The following SMAD6 variants were observed in gnomAD, a reference collection of about 807,000 sequenced individuals.
SMAD6 encodes the protein MAD homolog 6.
In SMAD6, 103 loss-of-function variants were observed where a neutral mutation model predicts 39.4. The observed-to-expected ratio is 2.62, with a 90% confidence interval of 2.23 to 3.08. The LOEUF (loss-of-function observed/expected upper bound fraction) is 3.08. Ranked by LOEUF, SMAD6 falls within the 30% of genes most tolerant of loss-of-function variation. The pLI is 0.00. For synonymous variants in SMAD6, 445 were observed against 353.3 expected, an observed-to-expected ratio of 1.26 and a Z score of -2.91; for missense variants, 1,104 against 742.9, an observed-to-expected ratio of 1.49 and a Z score of -5.65.
rs1467242708 is a variant in SMAD6, at chr15:66,703,819, G to T, written c.561G>T (p.Ser187=). Residue 187 remains serine (S), a synonymous_variant, in exon 1 of 4, where the codon TCG becomes TCT. Coordinates refer to ENST00000288840, the MANE Select transcript of SMAD6 (RefSeq NM_005585.5). ...TGCTGAAGCGGCTCAAGGAGCGCTCGCTGGACACGCTGCTGGAGGCGGTGG... is the reference window on the plus strand; with the variant it reads ...TGCTGAAGCGGCTCAAGGAGCGCTCTCTGGACACGCTGCTGGAGGCGGTGG... The part of the protein sequence containing the change: ...YSLLKRLKER[S]LDTLLEAVES... 2 of 1,420,968 alleles carry T rather than the reference G, an allele frequency of 1.4e-6. No homozygotes were observed. Among genetic ancestry groups the T allele is most frequent in the Admixed American group, 4.5e-5 (2 of 44,346 alleles). The allele number at this position is 1,420,968 out of a possible 1,614,324, so 88.0% of individuals were successfully genotyped here.
At chr15:66,719,948 T>C (rs770123316) in intron 3 of SMAD6, among the ~76,000 whole-genome samples, 1 of 152,196 alleles carries the variant, frequency 6.6e-6, no homozygotes, top group East Asian at 1.9e-4. Flanking sequence ...TGCAGAGCTT[T>C]AAGCAGATCT....
rs1893013234 is a variant in SMAD6, at chr15:66,703,207, C to T, written c.-52C>T. 3.1e-6 allele frequency: 4 copies of T among 1,291,476 alleles called. No individual in the cohort carries two copies. Among genetic ancestry groups the T allele is most frequent in the Non-Finnish European group, 3.0e-6 (3 of 998,038 alleles). The allele number at this position is 1,291,476 out of a possible 1,614,324, so 80.0% of individuals were successfully genotyped here. On this transcript the variant is annotated 5_prime_UTR_variant, in exon 1 of 4. Coordinates refer to ENST00000288840, the MANE Select transcript of SMAD6 (RefSeq NM_005585.5). ...CGGCGCCTCGCTGAGGGAACGGACC[C>T]CCGGTAACCGGAGACCGCCTCCCCC... is the stretch of plus-strand genomic sequence containing the variant.
intron 1 of SMAD6, chr15:66,707,564 GCTC>G (rs1893141492): frequency 6.6e-6 from 1 of 152,302 alleles, no homozygotes; most frequent in South Asian, 2.1e-4. Context: ...GCTCCTCCTA[GCTC>G]CTCCTGGAGG....
rs1007866992 is a variant in SMAD6 at position 66,715,380 on chromosome 15, A to G, written c.875-1041A>G. ...AGGATAAAAAGTTCCTGCAGGATCA[A>G]ATGGAATTCTAGCTAGTGAGGGCCT... On this transcript the variant is annotated intron_variant, in intron 2 of 3. Coordinates refer to ENST00000288840, the MANE Select transcript of SMAD6 (RefSeq NM_005585.5). 2.0e-5 allele frequency among the ~76,000 whole-genome samples: 3 copies of G among 152,130 alleles called. No homozygotes were observed. The East Asian group carries it at 5.8e-4, about 29-fold the overall frequency.
chr15:66,779,143 G>A (rs1408303103), intron 3 of SMAD6, among the ~76,000 whole-genome samples: 1 of 152,148 alleles, frequency 6.6e-6, no homozygotes, highest in Non-Finnish European at 1.5e-5. Context: ...GGTGGCTGGA[G>A]CTCAGAGTCT....
At chr15:66,745,814 T>A (rs2140641488) in intron 3 of SMAD6, among the ~76,000 whole-genome samples, 1 of 152,278 alleles carries the variant, frequency 6.6e-6, no homozygotes. Flanking sequence ...TGGTAGATGC[T>A]CTTTGAGTTC....
intron 3 of SMAD6, among the ~76,000 whole-genome samples, chr15:66,731,293 C>T (rs62005644): frequency 0.15 from 23,390 of 151,398 alleles, 1,871 homozygotes; most frequent in South Asian, 0.19. Context: ...AAAAAATTAG[C>T]CGGGCGTAGT....
rs113329068 is a variant in SMAD6, at chr15:66,735,512, T to G, written c.952+19014T>G. Among the ~76,000 whole-genome samples, 1,056 of 152,280 alleles carry G rather than the reference T, an allele frequency of 6.9e-3. 16 individuals carry two copies. The highest frequency in any genetic ancestry group is 0.024 in the African/African-American group (1,010 of 41,554). ...GGCAAAAATCTTGATAACTGTTGAA[T>G]CTGGGTGAGAGGTAGTTTAGGTTGG... On this transcript the variant is annotated intron_variant, in intron 3 of 3. Coordinates refer to ENST00000288840, the MANE Select transcript of SMAD6 (RefSeq NM_005585.5).
chr15:66,747,107 C>T lies in SMAD6; in HGVS notation c.952+30609C>T, dbSNP rs1893921414. ...TTGATTTTCATTTTACAAAAATAAT[C>T]CAACTAATCTAATTGATCCAGTTGA... On this transcript the variant is annotated intron_variant, in intron 3 of 3. Coordinates refer to ENST00000288840, the MANE Select transcript of SMAD6 (RefSeq NM_005585.5). The surrounding 1 kb of genome is among the most constrained non-coding windows in gnomAD (Gnocchi z 4.5). Among the ~76,000 whole-genome samples the T allele has an allele frequency of 6.6e-6, 1 of 152,216 alleles. No individual in the cohort carries two copies. The highest frequency in any genetic ancestry group is 6.5e-5 in the Admixed American group (1 of 15,278).
At chr15:66,746,544 G>A (rs567543552) in intron 3 of SMAD6, among the ~76,000 whole-genome samples, 2 of 152,138 alleles carry the variant, frequency 1.3e-5, no homozygotes, top group Non-Finnish European at 2.9e-5. Context: ...GTGGAGGCTG[G>A]GGATTTGTGC....
chr15:66,741,767 C>T (rs1893819085), intron 3 of SMAD6, among the ~76,000 whole-genome samples: 1 of 152,222 alleles, frequency 6.6e-6, no homozygotes, highest in Non-Finnish European at 1.5e-5. Context: ...TTGCAACATT[C>T]TGCAGCTGTC....
intron 3 of SMAD6, among the ~76,000 whole-genome samples, chr15:66,779,968 C>T (rs1321780336): frequency 6.6e-6 from 1 of 152,232 alleles, no homozygotes; most frequent in Non-Finnish European, 1.5e-5. Flanking sequence ...CTGTGTTGGT[C>T]TGAACTTTGG....
At chr15:66,771,265 G>T (rs1037577797) in intron 3 of SMAD6, among the ~76,000 whole-genome samples, 5 of 152,216 alleles carry the variant, frequency 3.3e-5, no homozygotes, top group African/African-American at 1.2e-4. Context: ...CACTGAGCAG[G>T]CCTGTGTAGT....
intron 3 of SMAD6, among the ~76,000 whole-genome samples, chr15:66,737,692 C>T (rs1444573120): frequency 2.7e-5 from 4 of 149,582 alleles, no homozygotes; most frequent in Non-Finnish European, 4.4e-5. Context: ...AGGTTTATAA[C>T]GACTTTAGAG....
intron 3 of SMAD6, among the ~76,000 whole-genome samples, chr15:66,726,198 G>C (rs372655030): frequency 1.3e-5 from 2 of 152,198 alleles, no homozygotes; most frequent in African/African-American, 4.8e-5. Context: ...AGGACTCTAG[G>C]CTGCTCCCTG....
rs1232659868 is a variant in SMAD6, at chr15:66,782,070, C to CT, written c.*537dup. 2.5e-6 allele frequency: 1 copy of CT among 397,278 alleles called. No homozygotes were observed. 24.6% of individuals were successfully genotyped at this position (397,278 alleles called of 1,614,324 possible). ...TTCTGACCCATCATGTACCTTGAAACTTGACCTCAGTTTTCAAGTTTTACT... is the reference window on the plus strand; with the variant it reads ...TTCTGACCCATCATGTACCTTGAAACTTTGACCTCAGTTTTCAAGTTTTACT... On this transcript the variant is annotated 3_prime_UTR_variant, in exon 4 of 4. Coordinates refer to ENST00000288840, the MANE Select transcript of SMAD6 (RefSeq NM_005585.5).
intron 3 of SMAD6, among the ~76,000 whole-genome samples, chr15:66,722,510 C>G (rs1158177572): frequency 7.3e-6 from 1 of 137,472 alleles, no homozygotes; most frequent in African/African-American, 2.6e-5. Context: ...CAGGCTCCAG[C>G]CTAGAGGCAG....
At chr15:66,767,242 A>T (rs1164194081) in intron 3 of SMAD6, among the ~76,000 whole-genome samples, 2 of 152,208 alleles carry the variant, frequency 1.3e-5, no homozygotes, top group Admixed American at 1.3e-4. Flanking sequence ...GAAACCTTCC[A>T]CAGTTCAAAA....
chr15:66,781,277 C>G lies in SMAD6; in HGVS notation c.1233C>G (p.Phe411Leu). ...WAYNRGEHPIFVNSPTLDAPG... is the reference protein window; with the variant it reads ...WAYNRGEHPILVNSPTLDAPG... ...ACAACCGCGGCGAGCACCCCATCTT[C>G]GTCAACTCCCCGACGCTGGACGCGC... is the stretch of plus-strand genomic sequence containing the variant. The change falls in exon 4 of 4, where the codon TTC becomes TTG. Residue 411 changes from phenylalanine to leucine, a missense_variant. Phe to Leu is a conservative substitution (Grantham distance 22, BLOSUM62 0). Transcript: ENST00000288840. The G allele has an allele frequency of 6.2e-7, 1 of 1,607,206 alleles. No homozygotes were observed. The highest frequency in any genetic ancestry group is 2.2e-5 in the East Asian group (1 of 44,808).
Sources: gnomAD v4.1 joint callset for allele counts (sites outside exome capture counted in the v4.1 genomes callset) on GRCh38, gnomAD v4.1.1 for gene constraint, Gnocchi (gnomAD v3.1) non-coding constraint, MANE v1.5 for transcripts, NCBI Gene and HGNC (gene_info 2026-07-23, HGNC 2026-07-21) for gene names.